The following GLIS3 variants were observed in gnomAD, a reference collection of about 807,000 sequenced individuals.
The protein encoded by GLIS3 is zinc finger protein GLIS3.
GLIS3 carries 53 observed loss-of-function variants against 78.6 expected under a neutral mutation model. The ratio of observed to expected loss-of-function variants is 0.67; its 90% confidence interval spans 0.54 to 0.85. The LOEUF is 0.85. GLIS3 is among the 40% of genes least tolerant of loss of function. The pLI is 0.00. For missense variants in GLIS3, 1,703 were observed against 1,231.1 expected (o/e 1.38, Z -5.74); for synonymous variants, 684 against 509.9 (o/e 1.34, Z -4.60).
chr9:4,048,221 T>G (rs920640993), intron 4 of GLIS3, among the ~76,000 whole-genome samples: 2 of 152,194 alleles, frequency 1.3e-5, no homozygotes, highest in African/African-American at 4.8e-5. Flanking sequence ...TTAAACATAA[T>G]GCAACATTTA....
chr9:4,318,093 G>A (rs555073075), intron 2 of GLIS3, among the ~76,000 whole-genome samples: 1 of 152,322 alleles, frequency 6.6e-6, no homozygotes, highest in South Asian at 2.1e-4. Flanking sequence ...GGGAAAGGAG[G>A]AAGCATGCTT....
intron 2 of GLIS3, among the ~76,000 whole-genome samples, chr9:4,337,917 G>T (rs1378517864): frequency 6.6e-6 from 1 of 151,894 alleles, no homozygotes; most frequent in Non-Finnish European, 1.5e-5. Context: ...GAAAATATTT[G>T]CCCCAAACCA....
intron 4 of GLIS3, among the ~76,000 whole-genome samples, chr9:4,028,719 A>G (rs1823561137): frequency 6.6e-6 from 1 of 152,126 alleles, no homozygotes; most frequent in African/African-American, 2.4e-5. Flanking sequence ...ATTGAGTAAG[A>G]TTTTAATTAG....
At chr9:4,167,026 C>G (rs1420363896) in intron 2 of GLIS3, among the ~76,000 whole-genome samples, 2 of 152,026 alleles carry the variant, frequency 1.3e-5, no homozygotes, top group South Asian at 2.1e-4. Context: ...ATAAGAAAGA[C>G]AGACGAACAA....
At chr9:3,932,682 C>T (rs960128589) in intron 5 of GLIS3, 2 of 514,622 alleles carry the variant, frequency 3.9e-6, no homozygotes, top group Middle Eastern at 6.6e-4. Context: ...CAAAGAGATG[C>T]CCTATCCTTG....
rs532619668 is a variant in GLIS3, at chr9:4,055,767, TCAA to T, written c.1710+61998_1710+62000del. On this transcript the variant is annotated intron_variant, in intron 4 of 10. Coordinates refer to ENST00000381971, the MANE Select transcript of GLIS3 (RefSeq NM_001042413.2). ...TCAACCACAGCAAGCTGGCTCAAGT[TCAA>T]CAACAGCCAACTTCCAGCTTCATTG... Among the ~76,000 whole-genome samples the T allele has an allele frequency of 1.3e-3, 194 of 152,302 alleles. 1 individual carries two copies. Among genetic ancestry groups the T allele is most frequent in the African/African-American group, 4.3e-3 (177 of 41,560 alleles).
intron 2 of GLIS3, among the ~76,000 whole-genome samples, chr9:4,241,872 C>A (rs565685973): frequency 4.9e-4 from 74 of 152,118 alleles, no homozygotes; most frequent in African/African-American, 1.7e-3. Flanking sequence ...TATGTAGAGA[C>A]GGGGTTTTGC....
chr9:3,830,393 C>T (rs551460639), intron 9 of GLIS3, among the ~76,000 whole-genome samples: 5 of 152,138 alleles, frequency 3.3e-5, no homozygotes, highest in South Asian at 2.1e-4. Flanking sequence ...ATCTTAGTTC[C>T]GTACATTATT....
At chr9:3,967,381 T>A (rs1179666668) in intron 4 of GLIS3, among the ~76,000 whole-genome samples, 1 of 151,902 alleles carries the variant, frequency 6.6e-6, no homozygotes, top group Admixed American at 6.6e-5. Flanking sequence ...CACGTGCCTG[T>A]AGTCCCAGCT....
At chr9:4,112,857 G>A (rs2130851558) in intron 4 of GLIS3, among the ~76,000 whole-genome samples, 1 of 152,082 alleles carries the variant, frequency 6.6e-6, no homozygotes, top group East Asian at 1.9e-4. Flanking sequence ...CCATTAGGTG[G>A]TAATATCTGT....
chr9:4,260,076 T>G (rs1428056667), intron 2 of GLIS3, among the ~76,000 whole-genome samples: 1 of 118,698 alleles, frequency 8.4e-6, no homozygotes, highest in Non-Finnish European at 1.9e-5. Context: ...TAGTGACCTC[T>G]GATCTACACA....
intron 2 of GLIS3, among the ~76,000 whole-genome samples, chr9:4,138,026 T>C (rs906652387): frequency 6.6e-6 from 1 of 152,220 alleles, no homozygotes; most frequent in African/African-American, 2.4e-5. Flanking sequence ...CAGGTATTTG[T>C]TTATTGTGTC....
chr9:4,154,162 C>T (rs1834884621), intron 2 of GLIS3, among the ~76,000 whole-genome samples: 2 of 152,156 alleles, frequency 1.3e-5, no homozygotes, highest in Non-Finnish European at 2.9e-5. Context: ...AGAAACATGC[C>T]TCCAACAGAT....
chr9:4,040,254 G>A (rs1176429837), intron 4 of GLIS3, among the ~76,000 whole-genome samples: 1 of 148,060 alleles, frequency 6.8e-6, no homozygotes, highest in African/African-American at 2.5e-5. Flanking sequence ...TAAATAATAT[G>A]TCTGAATTAC....
At chr9:4,420,835 A>G in the GLIS3 span, among the ~76,000 whole-genome samples, 1 of 152,244 alleles carries the variant, frequency 6.6e-6, no homozygotes. Context: ...TAGTCCATGT[A>G]TAACATCTAG....
At chr9:3,940,996 T>TC (rs1167886367) in intron 4 of GLIS3, among the ~76,000 whole-genome samples, 1 of 152,148 alleles carries the variant, frequency 6.6e-6, no homozygotes, top group Non-Finnish European at 1.5e-5. Context: ...TGGGAACTTG[T>TC]CAGATATACA....
intron 9 of GLIS3, among the ~76,000 whole-genome samples, chr9:3,845,419 A>G (rs757918806): frequency 1.4e-4 from 22 of 152,202 alleles, no homozygotes; most frequent in Non-Finnish European, 2.8e-4. Flanking sequence ...GGTCTAAAAG[A>G]ATACTTGCCA....
intron 2 of GLIS3, chr9:4,310,545 T>C (rs1817332765): frequency 6.6e-6 from 1 of 152,134 alleles, no homozygotes; most frequent in Admixed American, 6.5e-5. Flanking sequence ...CCCAAATACA[T>C]CCATTAGTTT....
At chr9:4,347,666 A>T (rs1160550045) in intron 1 of GLIS3, among the ~76,000 whole-genome samples, 1 of 152,208 alleles carries the variant, frequency 6.6e-6, no homozygotes, top group East Asian at 1.9e-4. Context: ...AGTGAACTAA[A>T]ATCAGGGAAA....
Sources: gnomAD v4.1 joint callset for allele counts (sites outside exome capture counted in the v4.1 genomes callset) on GRCh38, gnomAD v4.1.1 for gene constraint, MANE v1.5 for transcripts, NCBI Gene and HGNC (gene_info 2026-07-23, HGNC 2026-07-21) for gene names.